The following PGM2L1 variants were observed in gnomAD, a reference collection of about 807,000 sequenced individuals.
The protein encoded by PGM2L1 is phosphoglucomutase 2 like 1.
A neutral mutation model predicts 73.4 loss-of-function variants in PGM2L1; 35 were observed. The observed-to-expected ratio is 0.48, with a 90% confidence interval of 0.36 to 0.63. PGM2L1 has a LOEUF of 0.63. Among genes scored for constraint, PGM2L1 ranks in the 30% least tolerant of loss-of-function variants. PGM2L1 has a pLI of 0.00. For missense variants in PGM2L1, 570 were observed against 742.0 expected (o/e 0.77, Z 2.69); for synonymous variants, 225 against 253.8 (o/e 0.89, Z 1.08).
At chr11:74,376,774 T>C (rs1049116493) in intron 1 of PGM2L1, among the ~76,000 whole-genome samples, 6 of 152,026 alleles carry the variant, frequency 3.9e-5, no homozygotes, top group African/African-American at 1.2e-4. Context: ...TTCCTGGTTG[T>C]TGAAAAACTG....
rs745724400 is a variant in PGM2L1 at position 74,342,631 on chromosome 11, T to C, written c.1462A>G (p.Lys488Glu). ...TCATAACACAAGAAATAGGAAGTTT[T>C]TGAAATATGATAACCATATCTGTGC... Reference protein sequence around the residue: ...VYEKYGYHISKTSYFLCYEPP... With the variant: ...VYEKYGYHISETSYFLCYEPP... Residue 488 changes from lysine to glutamate, a missense_variant, in exon 12 of 14, where the codon AAA becomes GAA. Lys to Glu is a moderately conservative substitution (Grantham distance 56). Coordinates refer to ENST00000298198, the MANE Select transcript of PGM2L1 (RefSeq NM_173582.6). 1.3e-6 allele frequency: 2 copies of C among 1,583,028 alleles called. No individual in the cohort carries two copies. The highest frequency in any genetic ancestry group is 1.7e-6 in the Non-Finnish European group (2 of 1,164,568).
intron 1 of PGM2L1, among the ~76,000 whole-genome samples, chr11:74,394,706 T>A (rs978737567): frequency 6.6e-6 from 1 of 152,230 alleles, no homozygotes; most frequent in African/African-American, 2.4e-5. Context: ...GTTCTCCTTA[T>A]GTTAGCAAGT....
chr11:74,379,925 T>TA (rs926083260), intron 1 of PGM2L1, among the ~76,000 whole-genome samples: 22 of 151,196 alleles, frequency 1.5e-4, no homozygotes, highest in Admixed American at 7.9e-4. Flanking sequence ...AAATTCTGTC[T>TA]AAAAAAAAAT....
At chr11:74,371,871 G>A in intron 2 of PGM2L1, 54 bp from the exon 3 acceptor site, 1 of 1,400,866 alleles carries the variant, frequency 7.1e-7, no homozygotes, top group Non-Finnish European at 1.0e-6. Flanking sequence ...CATTTCATAT[G>A]ACTCAGAATC....
At position 74,336,958 on chromosome 11, in the gene PGM2L1, C is replaced by G. The variant is rs552681886; in HGVS notation, c.1767-204G>C. Among the ~76,000 whole-genome samples, 11 of 151,804 alleles carry G rather than the reference C, an allele frequency of 7.2e-5. No individual in the cohort carries two copies. In the East Asian group the frequency reaches 1.9e-3, roughly 27 times the overall value. On this transcript the variant is annotated intron_variant, in intron 13 of 13. Coordinates refer to ENST00000298198, the MANE Select transcript of PGM2L1 (RefSeq NM_173582.6). ...ACTGCTATCACAAACTGAAGGTGAA[C>G]TGCATTAATAGGAGTTCCTTGGCAC...
intron 13 of PGM2L1, among the ~76,000 whole-genome samples, chr11:74,337,164 T>C (rs544540388): frequency 8.6e-4 from 131 of 152,318 alleles, no homozygotes; most frequent in African/African-American, 2.8e-3. Flanking sequence ...GAAGGAGGTG[T>C]GACTAAAATA....
chr11:74,378,346 T>C (rs1239294346), intron 1 of PGM2L1, among the ~76,000 whole-genome samples: 2 of 152,084 alleles, frequency 1.3e-5, no homozygotes, highest in African/African-American at 4.8e-5. Context: ...CACACTGACC[T>C]ATTATATAAA....
intron 6 of PGM2L1, among the ~76,000 whole-genome samples, chr11:74,350,939 A>G (rs998510171): frequency 3.3e-5 from 5 of 151,960 alleles, no homozygotes; most frequent in African/African-American, 1.2e-4. Flanking sequence ...GAGAGAGAGA[A>G]AGAAACTAAC....
chr11:74,369,090 CT>C (rs1488501682), intron 4 of PGM2L1, among the ~76,000 whole-genome samples: 1 of 152,146 alleles, frequency 6.6e-6, no homozygotes, highest in East Asian at 1.9e-4. Context: ...ACACACTTGG[CT>C]TCTAACTCTT....
At chr11:74,345,722 A>T in intron 8 of PGM2L1, 73 bp from the exon 9 acceptor site, 2 of 1,306,704 alleles carry the variant, frequency 1.5e-6, no homozygotes, top group South Asian at 1.3e-5. Flanking sequence ...AGGCCTAAAA[A>T]TTACCATCCT....
intron 12 of PGM2L1, among the ~76,000 whole-genome samples, chr11:74,340,793 GGT>G (rs1432944723): frequency 1.3e-5 from 2 of 152,150 alleles, no homozygotes; most frequent in Non-Finnish European, 2.9e-5. Flanking sequence ...TGAAGAGGAA[GGT>G]GTCTAATTAT....
intron 5 of PGM2L1, among the ~76,000 whole-genome samples, chr11:74,367,861 T>C (rs1418283646): frequency 6.6e-6 from 1 of 152,194 alleles, no homozygotes; most frequent in East Asian, 1.9e-4. Context: ...GGCCAAAATC[T>C]TACATTAGCA....
chr11:74,361,950 T>G (rs1037688662), intron 5 of PGM2L1, among the ~76,000 whole-genome samples: 2 of 152,090 alleles, frequency 1.3e-5, no homozygotes, highest in Non-Finnish European at 2.9e-5. Flanking sequence ...ACAGGGAGAA[T>G]GGAACCAAAT....
intron 1 of PGM2L1, among the ~76,000 whole-genome samples, chr11:74,396,097 AAAT>A (rs1863171752): frequency 6.6e-6 from 1 of 151,718 alleles, no homozygotes; most frequent in African/African-American, 2.4e-5. Flanking sequence ...AAAAAAAAAA[AAAT>A]TTTTTTTAAT....
Position 74,381,361 on chromosome 11 carries a change from A to G in PGM2L1, c.112-6779T>C, listed in dbSNP as rs186325312. ...CCCCACCACTCCTCTTTCCCCATTT[A>G]CCCATTAAACAGAGAGGACTCTAAG... On this transcript the variant is annotated intron_variant, in intron 1 of 13. Coordinates refer to ENST00000298198, the MANE Select transcript of PGM2L1 (RefSeq NM_173582.6). Among the ~76,000 whole-genome samples the G allele has an allele frequency of 4.7e-3, 708 of 152,014 alleles. 8 individuals are homozygous for G. The highest frequency in any genetic ancestry group is 0.016 in the African/African-American group (671 of 41,446).
At chr11:74,391,511 G>A (rs1376944789) in intron 1 of PGM2L1, among the ~76,000 whole-genome samples, 1 of 151,874 alleles carries the variant, frequency 6.6e-6, no homozygotes, top group East Asian at 1.9e-4. Context: ...ATTGCATTTG[G>A]CAGGGGTGGG....
At chr11:74,385,810 T>C (rs758556984) in intron 1 of PGM2L1, among the ~76,000 whole-genome samples, 6 of 151,952 alleles carry the variant, frequency 3.9e-5, no homozygotes, top group Non-Finnish European at 8.8e-5. Flanking sequence ...AAAGCCCAAA[T>C]TCCATATTCT....
At chr11:74,380,082 A>C (rs544809445) in intron 1 of PGM2L1, among the ~76,000 whole-genome samples, 1 of 152,316 alleles carries the variant, frequency 6.6e-6, no homozygotes, top group African/African-American at 2.4e-5. Context: ...AATAAATACC[A>C]GTTTTATATA....
chr11:74,395,166 C>A (rs940608686), intron 1 of PGM2L1, among the ~76,000 whole-genome samples: 1 of 152,054 alleles, frequency 6.6e-6, no homozygotes, highest in East Asian at 1.9e-4. Flanking sequence ...AAATAATTAA[C>A]AAATTACTTA....
Sources: gnomAD v4.1 joint callset for allele counts (sites outside exome capture counted in the v4.1 genomes callset) on GRCh38, gnomAD v4.1.1 for gene constraint, MANE v1.5 for transcripts, NCBI Gene and HGNC (gene_info 2026-07-23, HGNC 2026-07-21) for gene names.